Variants in GABRG3 observed in about 807,000 individuals in gnomAD.
GABRG3 encodes gamma-aminobutyric acid receptor subunit gamma-3.
GABRG3 carries 25 observed loss-of-function variants against 48.8 expected under a neutral mutation model. The ratio of observed to expected loss-of-function variants is 0.51; its 90% CI spans 0.37 to 0.72. GABRG3 has a LOEUF of 0.72. Among genes scored for constraint, GABRG3 ranks in the 30% least tolerant of loss-of-function variants. The pLI is 0.00. For synonymous variants in GABRG3, 227 were observed against 217.6 expected (o/e 1.04, Z -0.38); for missense variants, 394 against 577.9 (o/e 0.68, Z 3.26).
intron 3 of GABRG3, among the ~76,000 whole-genome samples, chr15:27,132,729 C>T: frequency 6.6e-6 from 1 of 150,706 alleles, no homozygotes; most frequent in South Asian, 2.1e-4. Context: ...AAAAATTTAT[C>T]AATTTTGTTG....
At chr15:27,135,101 A>G (rs1376380848) in intron 3 of GABRG3, among the ~76,000 whole-genome samples, 1 of 152,200 alleles carries the variant, frequency 6.6e-6, no homozygotes. Context: ...CTAACATCTA[A>G]TTATACTGAT....
At chr15:27,216,017 G>A (rs1342870457) in intron 3 of GABRG3, among the ~76,000 whole-genome samples, 1 of 152,296 alleles carries the variant, frequency 6.6e-6, no homozygotes, top group South Asian at 2.1e-4. Context: ...TGAATGGAAG[G>A]AATTGGCTGG....
intron 5 of GABRG3, among the ~76,000 whole-genome samples, chr15:27,470,781 G>T (rs1889764576): frequency 6.6e-6 from 1 of 151,688 alleles, no homozygotes; most frequent in Non-Finnish European, 1.5e-5. Flanking sequence ...TTTTTTTAAT[G>T]TAGACAATTT....
intron 3 of GABRG3, among the ~76,000 whole-genome samples, chr15:27,123,416 G>A (rs540610357): frequency 1.3e-5 from 2 of 152,288 alleles, no homozygotes; most frequent in South Asian, 4.1e-4. Flanking sequence ...AAAGAGGCCT[G>A]TGGGAACTCA....
At chr15:27,065,945 A>G (rs1343738710) in intron 3 of GABRG3, among the ~76,000 whole-genome samples, 4 of 152,232 alleles carry the variant, frequency 2.6e-5, no homozygotes, top group African/African-American at 4.8e-5. Flanking sequence ...ACCTGGATTT[A>G]TACTTTTAAT....
intron 3 of GABRG3, among the ~76,000 whole-genome samples, chr15:27,128,758 A>C (rs751007239): frequency 6.6e-6 from 1 of 152,200 alleles, no homozygotes; most frequent in African/African-American, 2.4e-5. Context: ...CTGGCTCTAG[A>C]CAAGTGACAA....
intron 3 of GABRG3, among the ~76,000 whole-genome samples, chr15:27,300,228 T>C (rs955235818): frequency 2.6e-5 from 4 of 152,152 alleles, no homozygotes; most frequent in Non-Finnish European, 4.4e-5. Flanking sequence ...ACATTTAAAA[T>C]GTGAAGAATA....
intron 3 of GABRG3, among the ~76,000 whole-genome samples, chr15:27,038,304 A>G (rs1459103862): frequency 6.6e-6 from 1 of 152,160 alleles, no homozygotes; most frequent in Non-Finnish European, 1.5e-5. Context: ...GTGTCGTCAC[A>G]TGGTGCAGGG....
At chr15:27,228,882 A>G (rs1595599279) in intron 3 of GABRG3, among the ~76,000 whole-genome samples, 1 of 152,154 alleles carries the variant, frequency 6.6e-6, no homozygotes, top group African/African-American at 2.4e-5. Flanking sequence ...GTGTCTGTTC[A>G]TGTCCTTTGC....
intron 6 of GABRG3, among the ~76,000 whole-genome samples, chr15:27,491,445 C>T (rs1890352856): frequency 6.6e-6 from 1 of 152,214 alleles, no homozygotes; most frequent in Non-Finnish European, 1.5e-5. Flanking sequence ...CATCTTTCTT[C>T]CTGTCCGTAG....
chr15:26,974,882 A>ATTATTC lies in GABRG3; in HGVS notation c.54-2115_54-2114insCTTATT, dbSNP rs1173544098. Among the ~76,000 whole-genome samples the ATTATTC allele has an allele frequency of 7.3e-6, 1 of 136,064 alleles. No individual in the cohort carries two copies. Among genetic ancestry groups the ATTATTC allele is most frequent in the Non-Finnish European group, 1.5e-5 (1 of 65,148 alleles). 89.3% of individuals were successfully genotyped at this position (136,064 alleles called of 152,430 possible). ...TATTATTATTATTATTATTATTATT[A>ATTATTC]TTATTATTTGAGATGGAGTCTCGCT... On this transcript the variant is annotated intron_variant, in intron 1 of 9. Transcript: ENST00000615808. This position sits in a 1 kb window ranked among gnomAD's most constrained non-coding sequence, Gnocchi z 4.3.
At chr15:27,136,819 C>G (rs1211666614) in intron 3 of GABRG3, among the ~76,000 whole-genome samples, 2 of 152,160 alleles carry the variant, frequency 1.3e-5, no homozygotes, top group African/African-American at 4.8e-5. Flanking sequence ...TGAATGCTCC[C>G]AGGGAGCCCA....
At chr15:27,326,593 A>G (rs1893623324) in intron 3 of GABRG3, among the ~76,000 whole-genome samples, 1 of 152,200 alleles carries the variant, frequency 6.6e-6, no homozygotes, top group Admixed American at 6.5e-5. Flanking sequence ...GGAACTTAAG[A>G]TTTATAGTAT....
At position 27,207,130 on chromosome 15, in the gene GABRG3, T is replaced by G. The variant is rs896919156; in HGVS notation, c.271-119679T>G. Among the ~76,000 whole-genome samples, 4 of 152,324 alleles carry G rather than the reference T, an allele frequency of 2.6e-5. No homozygotes were observed. In the East Asian group the frequency reaches 5.8e-4, roughly 22 times the overall value. On this transcript the variant is annotated intron_variant, in intron 3 of 9. Coordinates refer to ENST00000615808, the MANE Select transcript of GABRG3 (RefSeq NM_033223.5). The stretch of plus-strand genomic sequence containing the variant: ...GGTTATGTAGACTTGATTGTGTAGT[T>G]GCTTTATAGTGTCAGTGGTTTATCT...
At chr15:27,475,716 G>T (rs1403452206) in intron 5 of GABRG3, among the ~76,000 whole-genome samples, 1 of 151,862 alleles carries the variant, frequency 6.6e-6, no homozygotes, top group African/African-American at 2.4e-5. Flanking sequence ...AGTAATAATG[G>T]TAGTGGTGAT....
chr15:27,160,232 G>A (rs1212884700), intron 3 of GABRG3, among the ~76,000 whole-genome samples: 1 of 152,140 alleles, frequency 6.6e-6, no homozygotes, highest in Non-Finnish European at 1.5e-5. Flanking sequence ...TGAGAGTTGT[G>A]CAAACATAGA....
chr15:27,197,374 G>A (rs1888527290), intron 3 of GABRG3, among the ~76,000 whole-genome samples: 1 of 152,088 alleles, frequency 6.6e-6, no homozygotes, highest in Non-Finnish European at 1.5e-5. Context: ...CATTATGTGA[G>A]CAAGAAGAAG....
intron 3 of GABRG3, among the ~76,000 whole-genome samples, chr15:27,215,296 T>C (rs1376938143): frequency 6.6e-6 from 1 of 152,190 alleles, no homozygotes; most frequent in African/African-American, 2.4e-5. Flanking sequence ...CTCTTTCTCT[T>C]GATAACTGTT....
intron 2 of GABRG3, among the ~76,000 whole-genome samples, chr15:26,997,015 T>A (rs576161657): frequency 1.3e-5 from 2 of 152,274 alleles, no homozygotes; most frequent in South Asian, 4.1e-4. Flanking sequence ...TCATCATTCC[T>A]TTTTCTCTGT....
Sources: allele counts gnomAD v4.1 joint callset (sites outside exome capture counted in the v4.1 genomes callset), GRCh38; gene constraint gnomAD v4.1.1; non-coding constraint Gnocchi (gnomAD v3.1); transcripts MANE v1.5; gene names NCBI Gene and HGNC (gene_info 2026-07-23, HGNC 2026-07-21).